CFAP97D2: variants seen among roughly 807,000 people sequenced by gnomAD.
The protein encoded by CFAP97D2 is CFAP97 domain containing 2, also known as uncharacterized protein CFAP97D2.
intron 1 of CFAP97D2, among the ~76,000 whole-genome samples, chr13:114,188,959 C>T (rs1253255407): frequency 2.7e-5 from 4 of 149,894 alleles, no homozygotes; most frequent in African/African-American, 9.8e-5. Flanking sequence ...AATCAATAAG[C>T]CTGTAGCCAG....
At position 114,219,011 on chromosome 13, in the gene CFAP97D2, G is replaced by A. The variant is rs552639188; in HGVS notation, c.481-3487G>A. On this transcript the variant is annotated intron_variant, in intron 4 of 4. Coordinates refer to ENST00000646158, the Ensembl canonical transcript of CFAP97D2. ...AACACCAAAAGCAATGGCAACAAAA[G>A]CCAAAATTGACAAATGGGATCTAAT... 2.6e-5 allele frequency among the ~76,000 whole-genome samples: 4 copies of A among 152,262 alleles called. No homozygotes were observed. In the East Asian group the frequency reaches 7.7e-4, roughly 29 times the overall value.
intron 1 of CFAP97D2, among the ~76,000 whole-genome samples, chr13:114,182,375 G>T (rs1354704265): frequency 1.3e-5 from 2 of 152,074 alleles, no homozygotes; most frequent in Non-Finnish European, 2.9e-5. Context: ...TGTACAATCG[G>T]GTTTTATACC....
chr13:114,200,995 C>G (rs1158789874), intron 3 of CFAP97D2, among the ~76,000 whole-genome samples: 1 of 152,192 alleles, frequency 6.6e-6, no homozygotes, highest in East Asian at 1.9e-4. Context: ...CCCCTGCATC[C>G]TGTGTGGGTC....
At chr13:114,198,402 A>G (rs1469951239) in intron 2 of CFAP97D2, among the ~76,000 whole-genome samples, 1 of 152,256 alleles carries the variant, frequency 6.6e-6, no homozygotes, top group Non-Finnish European at 1.5e-5. Context: ...GCCTAAAACA[A>G]GAGGCAGATT....
At chr13:114,218,934 A>G (rs566786461) in intron 4 of CFAP97D2, among the ~76,000 whole-genome samples, 1 of 152,332 alleles carries the variant, frequency 6.6e-6, no homozygotes, top group South Asian at 2.1e-4. Context: ...CTAGAAGAAA[A>G]CCTAGGCAAT....
Position 114,187,282 on chromosome 13 carries a change from A to G in CFAP97D2, c.90+7862A>G, listed in dbSNP as rs988914706. On this transcript the variant is annotated intron_variant, in intron 1 of 4. Transcript: ENST00000646158. This position sits in a 1 kb window ranked among gnomAD's most constrained non-coding sequence, Gnocchi z 4.2. ...GACAAAAATAACAAATATCAAGAGT[A>G]ACAAACAAAATAGTAACAAATATGA... Among the ~76,000 whole-genome samples the G allele has an allele frequency of 1.3e-5, 2 of 152,224 alleles. No individual in the cohort carries two copies. Among genetic ancestry groups the G allele is most frequent in the African/African-American group, 4.8e-5 (2 of 41,470 alleles).
intron 4 of CFAP97D2, among the ~76,000 whole-genome samples, chr13:114,219,738 C>T (rs763490122): frequency 3.3e-5 from 5 of 152,200 alleles, no homozygotes; most frequent in East Asian, 1.9e-4. Context: ...TGGACAAAAA[C>T]GGGAAACATG....
intron 2 of CFAP97D2, among the ~76,000 whole-genome samples, chr13:114,198,890 T>C (rs2080902005): frequency 1.8e-5 from 1 of 55,534 alleles, no homozygotes; most frequent in South Asian, 6.2e-4. Flanking sequence ...TCCCCGTGTG[T>C]ACGGTCCCCA....
At chr13:114,209,899 T>A (rs1347388314) in intron 3 of CFAP97D2, among the ~76,000 whole-genome samples, 1 of 152,228 alleles carries the variant, frequency 6.6e-6, no homozygotes, top group African/African-American at 2.4e-5. Flanking sequence ...GACTGAACAA[T>A]CAAATGAGGT....
chr13:114,217,679 G>A (rs1170878983), intron 4 of CFAP97D2, among the ~76,000 whole-genome samples: 1 of 152,162 alleles, frequency 6.6e-6, no homozygotes, highest in Non-Finnish European at 1.5e-5. Context: ...TATCCACCAT[G>A]ATCAAGTAGG....
Position 114,207,914 on chromosome 13 carries a change from C to T in CFAP97D2, c.291-3998C>T, listed in dbSNP as rs1048160889. 2.0e-5 allele frequency among the ~76,000 whole-genome samples: 3 copies of T among 152,188 alleles called. No individual in the cohort carries two copies. Among genetic ancestry groups the T allele is most frequent in the Non-Finnish European group, 2.9e-5 (2 of 68,032 alleles). ...CCCATGCTCTTCCTCTAAGAGAAGA[C>T]ATTGGCCAGAAAGCAAGGAGAAGCT... On this transcript the variant is annotated intron_variant, in intron 3 of 4. Coordinates refer to ENST00000646158, the Ensembl canonical transcript of CFAP97D2. This position sits in a 1 kb window ranked among gnomAD's most constrained non-coding sequence, Gnocchi z 4.9.
At chr13:114,195,343 A>T (rs922169757) in intron 1 of CFAP97D2, among the ~76,000 whole-genome samples, 19 of 152,132 alleles carry the variant, frequency 1.2e-4, no homozygotes, top group African/African-American at 3.9e-4. Flanking sequence ...ACACGTCTCC[A>T]TCTGCCCCTT....
At chr13:114,183,456 C>A (rs1304715062) in intron 1 of CFAP97D2, among the ~76,000 whole-genome samples, 1 of 152,102 alleles carries the variant, frequency 6.6e-6, no homozygotes, top group Non-Finnish European at 1.5e-5. Context: ...GTGTGAGCCA[C>A]CACACCCGGC....
chr13:114,197,631 G>T (rs1176163545), intron 2 of CFAP97D2, among the ~76,000 whole-genome samples: 1 of 150,470 alleles, frequency 6.6e-6, no homozygotes, highest in African/African-American at 2.5e-5. Context: ...AGAATAACTA[G>T]CATCATTCCC....
chr13:114,192,846 CT>C (rs2080874540), intron 1 of CFAP97D2, among the ~76,000 whole-genome samples: 1 of 152,046 alleles, frequency 6.6e-6, no homozygotes, highest in Admixed American at 6.6e-5. Context: ...CAATAATAGG[CT>C]GAGGAAAAAA....
chr13:114,198,384 A>G (rs116989562), intron 2 of CFAP97D2, among the ~76,000 whole-genome samples: 1,743 of 152,356 alleles, frequency 0.011, 96 homozygotes, highest in Admixed American at 0.08. Flanking sequence ...CAGACCGACC[A>G]CTTGGAAGCC....
At chr13:114,210,849 C>T (rs1385646492) in intron 3 of CFAP97D2, among the ~76,000 whole-genome samples, 1 of 131,928 alleles carries the variant, frequency 7.6e-6, no homozygotes, top group Non-Finnish European at 1.6e-5. Flanking sequence ...AAGCACATTT[C>T]ATTGATACAC....
rs2138782374 is a variant in CFAP97D2, at chr13:114,211,360, G to C, written c.291-552G>C. Among the ~76,000 whole-genome samples the C allele has an allele frequency of 6.6e-6, 1 of 152,296 alleles. No homozygotes were observed. Among genetic ancestry groups the C allele is most frequent in the Non-Finnish European group, 1.5e-5 (1 of 68,034 alleles). ...GCCTGTCCACAGGGGTCTTTCTCAA[G>C]TGCCTGCGGAGTCTGGTTTGAAGCC... is the stretch of plus-strand genomic sequence containing the variant. On this transcript the variant is annotated intron_variant, in intron 3 of 4. Coordinates refer to ENST00000646158, the Ensembl canonical transcript of CFAP97D2. The surrounding 1 kb of genome is among the most constrained non-coding windows in gnomAD (Gnocchi z 4.2).
At chr13:114,194,349 G>A (rs1018101791) in intron 1 of CFAP97D2, among the ~76,000 whole-genome samples, 19 of 152,326 alleles carry the variant, frequency 1.2e-4, no homozygotes, top group African/African-American at 4.3e-4. Context: ...TACAGAAAAT[G>A]TCAGGCATGT....
Sources: allele counts gnomAD v4.1 joint callset (sites outside exome capture counted in the v4.1 genomes callset), GRCh38; gene constraint gnomAD v4.1.1; non-coding constraint Gnocchi (gnomAD v3.1); transcripts MANE v1.5; gene names NCBI Gene and HGNC (gene_info 2026-07-23, HGNC 2026-07-21).